Variants in TMCO4 observed in about 807,000 individuals in gnomAD.
TMCO4 encodes the protein transmembrane and coiled-coil domains 4.
Under a neutral mutation model 64.7 loss-of-function variants are expected in TMCO4, and 58 were observed. The observed-to-expected ratio is 0.90, with a 90% CI of 0.73 to 1.12. The LOEUF (loss-of-function observed/expected upper bound fraction) is 1.12. Ranked by LOEUF, TMCO4 falls within the 50% of genes most tolerant of loss-of-function variation. The pLI is 0.00. For missense variants in TMCO4, 780 were observed against 825.9 expected, an observed-to-expected ratio of 0.94 and a Z score of 0.68; for synonymous variants, 325 against 346.1, an observed-to-expected ratio of 0.94 and a Z score of 0.68.
intron 1 of TMCO4, among the ~76,000 whole-genome samples, chr1:19,799,613 A>G (rs2044501923): frequency 6.6e-6 from 1 of 152,160 alleles, no homozygotes; most frequent in South Asian, 2.1e-4. Flanking sequence ...GATTTCTAAA[A>G]GCACTTCCGG....
chr1:19,777,949 A>G (rs1200611646), intron 4 of TMCO4, among the ~76,000 whole-genome samples: 1 of 152,190 alleles, frequency 6.6e-6, no homozygotes, highest in African/African-American at 2.4e-5. Context: ...GGGTGGGGGA[A>G]GACCACTTGG....
chr1:19,739,970 T>C lies in TMCO4; in HGVS notation c.1043-10A>G. 1 of 1,609,048 alleles carries C rather than the reference T, an allele frequency of 6.2e-7. No individual in the cohort carries two copies. Among genetic ancestry groups the C allele is most frequent in the Non-Finnish European group, 8.5e-7 (1 of 1,177,766 alleles). The stretch of plus-strand genomic sequence containing the variant: ...AGGGCAGCCACAATGCCTGGGGAGG[T>C]GAGATAGTGATGAAGGGAATGGCCC... On this transcript the variant is annotated splice_polypyrimidine_tract_variant and intron_variant, in intron 11 of 15. Transcript: ENST00000294543.
intron 13 of TMCO4, among the ~76,000 whole-genome samples, chr1:19,730,676 T>C (rs4912149): frequency 0.045 from 6,820 of 152,212 alleles, 216 homozygotes; most frequent in Admixed American, 0.11. Flanking sequence ...CCACCCCTGG[T>C]GTTTGCAGAA....
At position 19,731,453 on chromosome 1, in the gene TMCO4, A is replaced by G. The variant is rs143164486; in HGVS notation, c.1264+5919T>C. The stretch of plus-strand genomic sequence containing the variant: ...GATACTATTATTGGCTATGTCTCAC[A>G]TAAGTGGAGTTCAGAGAGGTTACAT... On this transcript the variant is annotated intron_variant, in intron 13 of 15. Coordinates refer to ENST00000294543, the MANE Select transcript of TMCO4 (RefSeq NM_181719.7). Among the ~76,000 whole-genome samples the G allele has an allele frequency of 2.2e-3, 334 of 152,334 alleles. 3 individuals carry two copies. The highest frequency in any genetic ancestry group is 7.9e-3 in the African/African-American group (329 of 41,570).
chr1:19,711,486 G>A (rs1489156941), intron 13 of TMCO4, among the ~76,000 whole-genome samples: 1 of 152,048 alleles, frequency 6.6e-6, no homozygotes, highest in African/African-American at 2.4e-5. Context: ...TCATTGTAGG[G>A]AGATTTATTT....
intron 13 of TMCO4, among the ~76,000 whole-genome samples, chr1:19,710,974 C>T (rs187416248): frequency 7.9e-5 from 12 of 152,326 alleles, no homozygotes; most frequent in Admixed American, 2.0e-4. Flanking sequence ...ATGTGAAACA[C>T]GACACACTTT....
intron 15 of TMCO4, among the ~76,000 whole-genome samples, chr1:19,691,148 G>A (rs934900615): frequency 1.4e-4 from 22 of 152,272 alleles, no homozygotes; most frequent in Middle Eastern, 3.4e-3. Flanking sequence ...GATTACAGGC[G>A]TGAGTCACTG....
intron 13 of TMCO4, among the ~76,000 whole-genome samples, chr1:19,735,036 ACTGGGCACTGTG>A (rs1336575636): frequency 6.6e-6 from 1 of 152,120 alleles, no homozygotes. Context: ...CTCACAGTGC[ACTGGGCACTGTG>A]CTGGGCACTA....
At chr1:19,722,412 A>G (rs1285293154) in intron 13 of TMCO4, among the ~76,000 whole-genome samples, 1 of 152,198 alleles carries the variant, frequency 6.6e-6, no homozygotes, top group Non-Finnish European at 1.5e-5. Context: ...AGTATGTACT[A>G]TGTGCCAGGC....
At chr1:19,754,967 G>A (rs1274405550) in intron 7 of TMCO4, among the ~76,000 whole-genome samples, 1 of 152,072 alleles carries the variant, frequency 6.6e-6, no homozygotes, top group Non-Finnish European at 1.5e-5. Context: ...CCCGCCCAAT[G>A]TCAAGCAGTG....
chr1:19,690,025 C>T (rs1158860150), intron 15 of TMCO4, among the ~76,000 whole-genome samples: 1 of 152,230 alleles, frequency 6.6e-6, no homozygotes, highest in Non-Finnish European at 1.5e-5. Context: ...TCCTGTTTGC[C>T]CACACTTCCC....
chr1:19,707,878 G>C (rs2095310393), intron 13 of TMCO4, among the ~76,000 whole-genome samples: 1 of 152,148 alleles, frequency 6.6e-6, no homozygotes, highest in African/African-American at 2.4e-5. Flanking sequence ...TCTTCCCATG[G>C]TGGAGCAGGA....
chr1:19,692,548 G>C (rs1419308105), intron 15 of TMCO4, among the ~76,000 whole-genome samples: 1 of 148,448 alleles, frequency 6.7e-6, no homozygotes, highest in Non-Finnish European at 1.5e-5. Flanking sequence ...TGACCAATAT[G>C]GCGAAACCAT....
At chr1:19,701,675 C>T (rs961184803) in intron 13 of TMCO4, among the ~76,000 whole-genome samples, 2 of 152,040 alleles carry the variant, frequency 1.3e-5, no homozygotes, top group African/African-American at 2.4e-5. Context: ...GTGGGAGACA[C>T]CAATATCTTC....
chr1:19,682,362 C>T lies in TMCO4; in HGVS notation c.*678G>A. On this transcript the variant is annotated 3_prime_UTR_variant, in exon 16 of 16. Coordinates refer to ENST00000294543, the MANE Select transcript of TMCO4 (RefSeq NM_181719.7). Reference sequence around the variant, plus strand: ...CACAGCCATACTGAATGCAATTCAGCATGTATTCACCATGCTCTGTTAGTG... The same window carrying T: ...CACAGCCATACTGAATGCAATTCAGTATGTATTCACCATGCTCTGTTAGTG... 2.2e-6 allele frequency: 1 copy of T among 460,634 alleles called. No homozygotes were observed. The highest frequency in any genetic ancestry group is 3.3e-5 in the Admixed American group (1 of 30,046). The allele number at this position is 460,634 out of a possible 1,614,324, so 28.5% of individuals were successfully genotyped here. A position where few individuals can be genotyped will look rare whatever the true frequency, so the allele number is the denominator to read the frequency against.
chr1:19,747,363 C>T (rs574089557), intron 7 of TMCO4, 103 bp from the exon 8 acceptor site: 2 of 989,326 alleles, frequency 2.0e-6, no homozygotes, highest in East Asian at 2.4e-5. Flanking sequence ...TGGGTAGCTA[C>T]TCTGCCACTC....
chr1:19,747,311 G>C, intron 7 of TMCO4, 51 bp from the exon 8 acceptor site: 1 of 1,513,608 alleles, frequency 6.6e-7, no homozygotes, highest in Non-Finnish European at 9.1e-7. Context: ...AGGATCCCTT[G>C]AGACATCCCC....
intron 7 of TMCO4, among the ~76,000 whole-genome samples, chr1:19,754,327 C>T (rs1025150406): frequency 1.3e-5 from 2 of 152,160 alleles, no homozygotes; most frequent in African/African-American, 4.8e-5. Flanking sequence ...ACCTAGGATG[C>T]CCTCGTGATT....
At chr1:19,689,696 T>C (rs1355625407) in intron 15 of TMCO4, among the ~76,000 whole-genome samples, 1 of 152,240 alleles carries the variant, frequency 6.6e-6, no homozygotes, top group Non-Finnish European at 1.5e-5. Flanking sequence ...CATTAAAAGC[T>C]ACTTTCTTCA....
Sources: allele counts gnomAD v4.1 joint callset (sites outside exome capture counted in the v4.1 genomes callset), GRCh38; gene constraint gnomAD v4.1.1; transcripts MANE v1.5; gene names NCBI Gene and HGNC (gene_info 2026-07-23, HGNC 2026-07-21).